Variants in PREP observed in about 807,000 individuals in gnomAD.
PREP encodes prolyl endopeptidase.
PREP carries 29 observed loss-of-function variants against 87.6 expected under a neutral mutation model. The observed-to-expected ratio is 0.33, with a 90% CI of 0.25 to 0.45. The LOEUF (loss-of-function observed/expected upper bound fraction) is 0.45. PREP is among the 20% of genes least tolerant of loss of function. The pLI, the probability that PREP is intolerant of heterozygous loss-of-function variation, is 1.00. For synonymous variants in PREP, 337 were observed against 328.6 expected (o/e 1.03, Z -0.28); for missense variants, 695 against 886.5 (o/e 0.78, Z 2.74).
chr6:105,297,222 T>G (rs2114623089), intron 10 of PREP, among the ~76,000 whole-genome samples: 2 of 152,350 alleles, frequency 1.3e-5, no homozygotes, highest in South Asian at 4.1e-4. Context: ...CACAAGCAAG[T>G]GTCTTCTCTG....
intron 6 of PREP, among the ~76,000 whole-genome samples, chr6:105,363,633 G>A (rs1337473073): frequency 1.3e-5 from 2 of 152,174 alleles, no homozygotes; most frequent in African/African-American, 4.8e-5. Context: ...CTGGCTGAAA[G>A]TGAGGAGGGC....
chr6:105,368,923 T>G lies in PREP; in HGVS notation c.697A>C (p.Lys233Gln). ...AATACCTCAGCTCCACCCATCCATT[T>G]AGGTTCATCAGGAAACTCAGCACAC... ...ILCAEFPDEP[K>Q]WMGGAELSDD... The change falls in exon 6 of 15, where the codon AAA becomes CAA. Residue 233 changes from lysine to glutamine, a missense_variant. Coordinates refer to ENST00000652536, the MANE Select transcript of PREP (RefSeq NM_002726.5). 6.2e-7 allele frequency: 1 copy of G among 1,614,054 alleles called. No individual in the cohort carries two copies. The highest frequency in any genetic ancestry group is 8.5e-7 in the Non-Finnish European group (1 of 1,179,952).
Position 105,334,444 on chromosome 6 carries a change from C to T in PREP, c.824-939G>A, listed in dbSNP as rs577384212. Among the ~76,000 whole-genome samples the T allele has an allele frequency of 3.9e-5, 6 of 151,904 alleles. No individual in the cohort carries two copies. The East Asian group carries it at 5.8e-4, about 15-fold the overall frequency. On this transcript the variant is annotated intron_variant, in intron 7 of 14. Transcript: ENST00000652536. ...TGAAAGATGAGGTCTCTCGGCTGGG[C>T]GCAATGGCTCATGCCTGTAATCACA...
intron 7 of PREP, among the ~76,000 whole-genome samples, chr6:105,337,206 C>T (rs67330396): frequency 6.6e-6 from 1 of 152,142 alleles, no homozygotes; most frequent in African/African-American, 2.4e-5. Flanking sequence ...ATTTCTTCAT[C>T]TGATTTGTGA....
intron 7 of PREP, among the ~76,000 whole-genome samples, chr6:105,338,861 A>G (rs1391577016): frequency 6.6e-6 from 1 of 152,208 alleles, no homozygotes; most frequent in East Asian, 1.9e-4. Context: ...CCATGGCTGA[A>G]GCTTGAGTAC....
At chr6:105,394,146 T>C (rs1773231323) in intron 2 of PREP, among the ~76,000 whole-genome samples, 1 of 152,190 alleles carries the variant, frequency 6.6e-6, no homozygotes, top group Admixed American at 6.5e-5. Flanking sequence ...TTCAAGGACA[T>C]TTTAATATTA....
Position 105,278,556 on chromosome 6 carries a change from C to G in PREP, c.1839-118G>C. On this transcript the variant is annotated intron_variant, in intron 14 of 14. Transcript: ENST00000652536. This position sits in a 1 kb window ranked among gnomAD's most constrained non-coding sequence, Gnocchi z 4.2. ...AGTTAACTAGTACGTGAGTGACCAC[C>G]ATGGACTGTGCCTATGCGTTACCAT... 9.4e-7 allele frequency: 1 copy of G among 1,064,812 alleles called. No homozygotes were observed. The highest frequency in any genetic ancestry group is 1.3e-6 in the Non-Finnish European group (1 of 742,778). 66.0% of individuals were successfully genotyped at this position (1,064,812 alleles called of 1,614,324 possible).
chr6:105,309,177 G>A (rs1402578869), intron 10 of PREP, among the ~76,000 whole-genome samples: 1 of 152,040 alleles, frequency 6.6e-6, no homozygotes, highest in Non-Finnish European at 1.5e-5. Context: ...TGGTCAAACT[G>A]GCAGCCAAAT....
chr6:105,398,012 G>T, intron 1 of PREP, 85 bp from the exon 2 acceptor site: 1 of 1,061,596 alleles, frequency 9.4e-7, no homozygotes, highest in East Asian at 2.5e-5. Context: ...GGAGAAATAG[G>T]AAAGGGATGG....
chr6:105,382,963 A>C (rs1175987270), intron 2 of PREP, among the ~76,000 whole-genome samples: 1 of 152,340 alleles, frequency 6.6e-6, no homozygotes, highest in African/African-American at 2.4e-5. Context: ...TCCCAGCCTA[A>C]GTGAAAGGCA....
chr6:105,389,833 A>G (rs1176495900), intron 2 of PREP, among the ~76,000 whole-genome samples: 1 of 152,160 alleles, frequency 6.6e-6, no homozygotes, highest in Non-Finnish European at 1.5e-5. Context: ...TGACACCAGA[A>G]AGAACAGAAA....
At chr6:105,349,654 A>C (rs541696259) in intron 7 of PREP, among the ~76,000 whole-genome samples, 1 of 152,186 alleles carries the variant, frequency 6.6e-6, no homozygotes, top group African/African-American at 2.4e-5. Context: ...AATGCTGATA[A>C]TTCCCCCTGG....
intron 2 of PREP, among the ~76,000 whole-genome samples, chr6:105,392,015 T>C (rs912900900): frequency 2.0e-5 from 3 of 151,964 alleles, no homozygotes; most frequent in Admixed American, 2.0e-4. Context: ...GGGCTGATTA[T>C]TGGGACCTAC....
chr6:105,323,148 G>A, intron 10 of PREP: 1 of 1,290,318 alleles, frequency 7.8e-7, no homozygotes, highest in Non-Finnish European at 1.0e-6. Flanking sequence ...AACCTGAAAA[G>A]ATGGTGGCCA....
intron 2 of PREP, among the ~76,000 whole-genome samples, chr6:105,395,686 A>G (rs1362704172): frequency 6.6e-6 from 1 of 152,254 alleles, no homozygotes; most frequent in Non-Finnish European, 1.5e-5. Context: ...GTCATCCACG[A>G]ACCTGTCATT....
chr6:105,402,425 CACACACACACACACACACACACAA>C (rs1302735251), intron 1 of PREP, among the ~76,000 whole-genome samples: 17 of 148,626 alleles, frequency 1.1e-4, no homozygotes, highest in East Asian at 7.4e-4. Flanking sequence ...ACATCACACA[CACACACACACACACACACACACAA>C]ACACACACAC....
At chr6:105,292,733 C>A (rs1770326129) in intron 10 of PREP, among the ~76,000 whole-genome samples, 1 of 152,226 alleles carries the variant, frequency 6.6e-6, no homozygotes, top group Non-Finnish European at 1.5e-5. Context: ...GTTCTGTCTA[C>A]ATTGAAAATC....
chr6:105,342,951 C>T (rs1187027835), intron 7 of PREP, among the ~76,000 whole-genome samples: 3 of 152,146 alleles, frequency 2.0e-5, no homozygotes, highest in Admixed American at 1.3e-4. Flanking sequence ...GCCATACTGC[C>T]CAAGGTAATT....
intron 5 of PREP, among the ~76,000 whole-genome samples, chr6:105,370,597 A>G (rs982142622): frequency 3.9e-5 from 6 of 152,328 alleles, no homozygotes; most frequent in East Asian, 1.9e-4. Context: ...AGTTTTATTC[A>G]TAAGTGCTAA....
Sources: gnomAD v4.1 joint callset for allele counts (sites outside exome capture counted in the v4.1 genomes callset) on GRCh38, gnomAD v4.1.1 for gene constraint, Gnocchi (gnomAD v3.1) non-coding constraint, MANE v1.5 for transcripts, NCBI Gene and HGNC (gene_info 2026-07-23, HGNC 2026-07-21) for gene names.